The following DPYD variants were observed in gnomAD, a reference collection of about 807,000 sequenced individuals.
The protein encoded by DPYD is dihydropyrimidine dehydrogenase, also known as dihydropyrimidine dehydrogenase [NADP(+)].
DPYD carries 109 observed loss-of-function variants against 116.2 expected under a neutral mutation model. The observed-to-expected ratio is 0.94, with a 90% CI of 0.80 to 1.10. The LOEUF is 1.10. DPYD is among the 50% of genes least tolerant of loss of function. The pLI is 0.00. For synonymous variants in DPYD, 440 were observed against 432.0 expected (o/e 1.02, Z -0.23); for missense variants, 1,302 against 1,254.5 (o/e 1.04, Z -0.57).
At chr1:97,364,793 T>A (rs1460709955) in intron 16 of DPYD, among the ~76,000 whole-genome samples, 3 of 152,168 alleles carry the variant, frequency 2.0e-5, no homozygotes, top group African/African-American at 4.8e-5. Flanking sequence ...GCCTTCAGTC[T>A]TCAGCCAATA....
At chr1:97,834,127 G>A (rs1387618923) in intron 2 of DPYD, among the ~76,000 whole-genome samples, 1 of 151,956 alleles carries the variant, frequency 6.6e-6, no homozygotes, top group Non-Finnish European at 1.5e-5. Flanking sequence ...AGTAGTCCAA[G>A]AACCTTGTGA....
chr1:97,342,859 A>G (rs1407268884), intron 16 of DPYD, among the ~76,000 whole-genome samples: 3 of 152,124 alleles, frequency 2.0e-5, no homozygotes, highest in African/African-American at 4.8e-5. Flanking sequence ...GGAGCTTATC[A>G]TCACTCCCCC....
intron 3 of DPYD, among the ~76,000 whole-genome samples, chr1:97,793,253 C>T (rs1463215034): frequency 6.6e-6 from 1 of 152,154 alleles, no homozygotes; most frequent in Non-Finnish European, 1.5e-5. Context: ...GTTCATGGGT[C>T]AGAAGACTCA....
chr1:97,450,669 A>G (rs1676366494), intron 13 of DPYD, among the ~76,000 whole-genome samples: 2 of 151,958 alleles, frequency 1.3e-5, no homozygotes, highest in African/African-American at 4.8e-5. Flanking sequence ...GAAAAAAGTA[A>G]CTCCGATGTA....
chr1:97,178,091 T>A (rs751081678), intron 20 of DPYD, among the ~76,000 whole-genome samples: 9 of 152,092 alleles, frequency 5.9e-5, no homozygotes, highest in Non-Finnish European at 1.2e-4. Context: ...ACACAAACAT[T>A]CAGACCATAG....
intron 20 of DPYD, among the ~76,000 whole-genome samples, chr1:97,105,606 A>G (rs1399099870): frequency 9.9e-5 from 15 of 152,144 alleles, no homozygotes; most frequent in Admixed American, 9.8e-4. Flanking sequence ...GCTGGAATTT[A>G]TAGCCAGAAG....
intron 18 of DPYD, among the ~76,000 whole-genome samples, chr1:97,255,567 T>C (rs910750034): frequency 2.6e-5 from 4 of 152,186 alleles, no homozygotes; most frequent in Non-Finnish European, 4.4e-5. Flanking sequence ...CCTTCTGTCA[T>C]GATTGTGAGG....
At chr1:97,452,752 G>A (rs943866522) in intron 13 of DPYD, among the ~76,000 whole-genome samples, 1 of 151,914 alleles carries the variant, frequency 6.6e-6, no homozygotes, top group Admixed American at 6.6e-5. Context: ...TCTTGCTCCT[G>A]ATTTGTCATA....
chr1:97,860,732 C>A (rs1050405646), intron 2 of DPYD, among the ~76,000 whole-genome samples: 2 of 151,676 alleles, frequency 1.3e-5, no homozygotes, highest in Non-Finnish European at 2.9e-5. Flanking sequence ...CTATTTCTAA[C>A]CTAAAATACT....
At chr1:97,366,476 T>C (rs12063370) in intron 16 of DPYD, among the ~76,000 whole-genome samples, 38,142 of 152,026 alleles carry the variant, frequency 0.25, 5,083 homozygotes, top group East Asian at 0.48. Context: ...TGTTATTTCA[T>C]AGTGCAATGA....
intron 3 of DPYD, among the ~76,000 whole-genome samples, chr1:97,820,220 A>G (rs1409013047): frequency 6.6e-6 from 1 of 152,180 alleles, no homozygotes; most frequent in Non-Finnish European, 1.5e-5. Context: ...CCCTTAGGTC[A>G]GATGGTAGTC....
chr1:97,343,108 A>G (rs558077402), intron 16 of DPYD, among the ~76,000 whole-genome samples: 2 of 152,258 alleles, frequency 1.3e-5, no homozygotes, highest in South Asian at 2.1e-4. Flanking sequence ...AGATTCTTGT[A>G]TGTGTGTGTT....
chr1:97,495,990 T>C (rs1240059789), intron 13 of DPYD, among the ~76,000 whole-genome samples: 1 of 152,148 alleles, frequency 6.6e-6, no homozygotes, highest in East Asian at 1.9e-4. Flanking sequence ...AAAGTACCTA[T>C]TGACAGTTTT....
intron 13 of DPYD, among the ~76,000 whole-genome samples, chr1:97,459,357 T>G (rs1255813163): frequency 2.0e-5 from 3 of 152,096 alleles, no homozygotes; most frequent in Admixed American, 2.0e-4. Flanking sequence ...TGGAGAGAAC[T>G]AGGAGAGGCA....
chr1:97,713,342 G>A (rs535228430), intron 5 of DPYD, among the ~76,000 whole-genome samples: 6 of 151,874 alleles, frequency 4.0e-5, no homozygotes, highest in African/African-American at 9.7e-5. Context: ...AAAAGTAACC[G>A]CAAATAATTT....
chr1:97,574,010 T>C lies in DPYD; in HGVS notation c.1129-40A>G. The stretch of plus-strand genomic sequence containing the variant: ...AACAGAGAAGAAACTTGAAAATGTT[T>C]CTTATTCCACACAGTATTTGATTTC... On this transcript the variant is annotated intron_variant, in intron 10 of 22. Coordinates refer to ENST00000370192, the MANE Select transcript of DPYD (RefSeq NM_000110.4). The C allele has an allele frequency of 1.9e-6, 3 of 1,606,880 alleles. No homozygotes were observed. The South Asian group carries it at 3.3e-5, about 18-fold the overall frequency.
intron 11 of DPYD, among the ~76,000 whole-genome samples, chr1:97,554,939 T>G (rs1651583391): frequency 6.6e-6 from 1 of 152,054 alleles, no homozygotes. Context: ...CTCTCCAATT[T>G]GAAAAAAACT....
At chr1:97,579,000 C>T (rs961892814) in intron 10 of DPYD, among the ~76,000 whole-genome samples, 8 of 152,088 alleles carry the variant, frequency 5.3e-5, no homozygotes, top group South Asian at 4.2e-4. Flanking sequence ...TAAGTTTGTT[C>T]GATAGTAAAC....
At position 97,137,627 on chromosome 1, in the gene DPYD, C is replaced by T. The variant is rs17116462; in HGVS notation, c.2623-38995G>A. Among the ~76,000 whole-genome samples, 1,305 of 152,288 alleles carry T rather than the reference C, an allele frequency of 8.6e-3. 23 individuals carry two copies. Among genetic ancestry groups the T allele is most frequent in the African/African-American group, 0.03 (1,226 of 41,558 alleles). On this transcript the variant is annotated intron_variant, in intron 20 of 22. Coordinates refer to ENST00000370192, the MANE Select transcript of DPYD (RefSeq NM_000110.4). The stretch of plus-strand genomic sequence containing the variant: ...GTTTTTTCATAATGTGCTCTTGGCA[C>T]ACTTACTTTAATATTGCTGGTTTGA...
Sources: allele counts gnomAD v4.1 joint callset (sites outside exome capture counted in the v4.1 genomes callset), GRCh38; gene constraint gnomAD v4.1.1; transcripts MANE v1.5; gene names NCBI Gene and HGNC (gene_info 2026-07-23, HGNC 2026-07-21).